SAP130: variants seen among roughly 807,000 people sequenced by gnomAD.
The protein encoded by SAP130 is Sin3A associated protein 130.
In SAP130, 16 loss-of-function variants were observed where a neutral mutation model predicts 103.2. The ratio of observed to expected loss-of-function variants is 0.16; its 90% CI spans 0.10 to 0.24. The LOEUF is 0.24. Among genes scored for constraint, SAP130 ranks in the 10% least tolerant of loss-of-function variants. The pLI, the probability that SAP130 is intolerant of heterozygous loss-of-function variation, is 1.00. For missense variants in SAP130, 990 were observed against 1,359.7 expected (o/e 0.73, Z 4.28); for synonymous variants, 477 against 497.0 (o/e 0.96, Z 0.53).
In SAP130 at chr2:127,941,748, A is replaced by G; in HGVS notation, c.*258T>C. 1 of 458,910 alleles carries G rather than the reference A, an allele frequency of 2.2e-6. No homozygotes were observed. Among genetic ancestry groups the G allele is most frequent in the Non-Finnish European group, 3.8e-6 (1 of 262,104 alleles). The allele number at this position is 458,910 out of a possible 1,614,324, so 28.4% of individuals were successfully genotyped here. A position where few individuals can be genotyped will look rare whatever the true frequency, so the allele number is the denominator to read the frequency against. ...TTGTCATTGCTTCCAACTGGTGGAC[A>G]CTGATGCATCCGGAGTCACTTATGA... On this transcript the variant is annotated 3_prime_UTR_variant, in exon 21 of 21. Coordinates refer to ENST00000643581, the MANE Select transcript of SAP130 (RefSeq NM_001330301.2).
At chr2:127,998,147 T>C (rs939890343) in intron 10 of SAP130, among the ~76,000 whole-genome samples, 13 of 151,674 alleles carry the variant, frequency 8.6e-5, no homozygotes, top group East Asian at 7.7e-4. Flanking sequence ...TTCTCAATAG[T>C]TAAATAAAAA....
At position 127,963,910 on chromosome 2, in the gene SAP130, G is replaced by C. The variant is rs142380184; in HGVS notation, c.2064-8566C>G. Reference sequence around the variant, plus strand: ...TCTATCATTATTTGCATAGAACTACGTAAGTTCAATGTAAAAAACTCCTTT... The same window carrying C: ...TCTATCATTATTTGCATAGAACTACCTAAGTTCAATGTAAAAAACTCCTTT... On this transcript the variant is annotated intron_variant, in intron 15 of 20. Coordinates refer to ENST00000643581, the MANE Select transcript of SAP130 (RefSeq NM_001330301.2). Among the ~76,000 whole-genome samples, 49 of 152,284 alleles carry C rather than the reference G, an allele frequency of 3.2e-4. No individual in the cohort carries two copies. In the East Asian group the frequency reaches 9.1e-3, roughly 28 times the overall value.
intron 15 of SAP130, among the ~76,000 whole-genome samples, chr2:127,976,995 T>C (rs1181728615): frequency 6.6e-6 from 1 of 152,052 alleles, no homozygotes; most frequent in Non-Finnish European, 1.5e-5. Flanking sequence ...ATTATCTTGA[T>C]CATAGAGGAA....
At chr2:128,008,054 C>G (rs1028695850) in intron 7 of SAP130, among the ~76,000 whole-genome samples, 11 of 152,216 alleles carry the variant, frequency 7.2e-5, no homozygotes, top group Non-Finnish European at 1.2e-4. Flanking sequence ...TTCTTCCTCA[C>G]CACTCTGCCC....
chr2:128,025,526 A>G lies in SAP130; in HGVS notation c.112+655T>C, dbSNP rs370719836. 7.6e-4 allele frequency among the ~76,000 whole-genome samples: 116 copies of G among 152,134 alleles called. 1 individual carries two copies. The highest frequency in any genetic ancestry group is 6.4e-3 in the South Asian group (31 of 4,820). On this transcript the variant is annotated intron_variant, in intron 2 of 20. Coordinates refer to ENST00000643581, the MANE Select transcript of SAP130 (RefSeq NM_001330301.2). ...TTGGATGTTAAATATTCAGGGGGGG[A>G]AAAAAACCCTGCTTGCATCTGTACT...
chr2:127,949,179 T>C (rs1474447435), intron 18 of SAP130, among the ~76,000 whole-genome samples: 1 of 152,204 alleles, frequency 6.6e-6, no homozygotes, highest in African/African-American at 2.4e-5. Context: ...TTAGAGCAGT[T>C]TCCAAATGGG....
chr2:127,942,350 A>T lies in SAP130; in HGVS notation c.3015+74T>A. ...TGAAGATATGAGGGAGACGGGGGGA[A>T]ACGGGAGAAGTAGGGCTTTACAGAA... is the stretch of plus-strand genomic sequence containing the variant. On this transcript the variant is annotated intron_variant, in intron 20 of 20. Coordinates refer to ENST00000643581, the MANE Select transcript of SAP130 (RefSeq NM_001330301.2). This position sits in a 1 kb window ranked among gnomAD's most constrained non-coding sequence, Gnocchi z 4.8. The T allele has an allele frequency of 8.5e-7, 1 of 1,172,504 alleles. No homozygotes were observed. Among genetic ancestry groups the T allele is most frequent in the Non-Finnish European group, 1.3e-6 (1 of 784,584 alleles). The allele number at this position is 1,172,504 out of a possible 1,614,324, so 72.6% of individuals were successfully genotyped here.
rs1320445812 is a variant in SAP130, at chr2:127,986,852, T to C, written c.1891A>G (p.Thr631Ala). The part of the protein sequence containing the change: ...VVQTHSQSAS[T>A]NAPAQGSSPR... ...GATGAGCCCTGGGCGGGAGCGTTGG[T>C]GCTAGCACTCTGGCTGTGGGTCTGC... is the stretch of plus-strand genomic sequence containing the variant. The change falls in exon 14 of 21, where the codon ACC (threonine) becomes GCC (alanine). Residue 631 changes from threonine to alanine, a missense_variant. Thr to Ala is a moderately conservative substitution (Grantham distance 58). This residue lies in a region of SAP130 where 349 missense variants were observed against 384.1 expected (regional missense o/e 0.91). Coordinates refer to ENST00000643581, the MANE Select transcript of SAP130 (RefSeq NM_001330301.2). This position sits in a 1 kb window ranked among gnomAD's most constrained non-coding sequence, Gnocchi z 4.7. 1 of 1,614,228 alleles carries C rather than the reference T, an allele frequency of 6.2e-7. No homozygotes were observed. The highest frequency in any genetic ancestry group is 8.5e-7 in the Non-Finnish European group (1 of 1,180,036).
chr2:127,970,296 A>T (rs1304120746), intron 15 of SAP130, among the ~76,000 whole-genome samples: 1 of 150,470 alleles, frequency 6.6e-6, no homozygotes, highest in African/African-American at 2.4e-5. Flanking sequence ...TAATCCCAGC[A>T]CTTTGGGAGG....
Position 127,942,536 on chromosome 2 carries a change from G to C in SAP130, c.2903C>G (p.Thr968Arg). 1.3e-6 allele frequency: 2 copies of C among 1,570,126 alleles called. No homozygotes were observed. Among genetic ancestry groups the C allele is most frequent in the Non-Finnish European group, 1.8e-6 (2 of 1,140,164 alleles). ...HLCAAQLLQL[T>R]NLEHDVYERL... ...TTCATAGACATCATGTTCTAGATTC[G>C]TCTGCAACACACAAAAGGGAGGGTA... The change falls in exon 20 of 21, where the codon ACG becomes AGG. Residue 968 changes from threonine (T) to arginine (R), a missense_variant and splice_region_variant. Physicochemically the swap from Thr to Arg is moderately conservative, Grantham distance 71 (BLOSUM62 -1). Coordinates refer to ENST00000643581, the MANE Select transcript of SAP130 (RefSeq NM_001330301.2). This position sits in a 1 kb window ranked among gnomAD's most constrained non-coding sequence, Gnocchi z 4.8.
chr2:127,988,339 G>A (rs562705477), intron 13 of SAP130, among the ~76,000 whole-genome samples: 1 of 151,314 alleles, frequency 6.6e-6, no homozygotes, highest in East Asian at 2.0e-4. Flanking sequence ...CATAAGGACT[G>A]CTTGAGCCCA....
In SAP130 at chr2:127,986,946, A is replaced by C. The variant is rs550940612; in HGVS notation, c.1797T>G (p.Asp599Glu). 1 of 1,613,188 alleles carries C rather than the reference A, an allele frequency of 6.2e-7. No individual in the cohort carries two copies. Among genetic ancestry groups the C allele is most frequent in the Non-Finnish European group, 8.5e-7 (1 of 1,179,194 alleles). The stretch of plus-strand genomic sequence containing the variant: ...TAGGGTTGGCCACAATTGTGGCTCC[A>C]TCTGCCAACACCACTGCTACAGGAG... The part of the protein sequence containing the change: ...EGKTSAVVLA[D>E]GATIVANPIS... The change falls in exon 14 of 21, where the codon GAT becomes GAG. Residue 599 changes from aspartate to glutamate, a missense_variant. Transcript: ENST00000643581. This position sits in a 1 kb window ranked among gnomAD's most constrained non-coding sequence, Gnocchi z 4.7.
In SAP130 at chr2:128,010,260, C is replaced by T. The variant is rs375372392; in HGVS notation, c.869+9G>A. On this transcript the variant is annotated intron_variant, in intron 7 of 20. Coordinates refer to ENST00000643581, the MANE Select transcript of SAP130 (RefSeq NM_001330301.2). ...AGGAAGGTTCAAACTTCATACTCCCCATGTATACCTAAGTGCTGAATCAGT... is the reference window on the plus strand; with the variant it reads ...AGGAAGGTTCAAACTTCATACTCCCTATGTATACCTAAGTGCTGAATCAGT... 40 of 1,611,040 alleles carry T rather than the reference C, an allele frequency of 2.5e-5. No homozygotes were observed. The highest frequency in any genetic ancestry group is 3.3e-5 in the Non-Finnish European group (39 of 1,178,518).
At chr2:127,948,546 T>A (rs1023037965) in intron 18 of SAP130, among the ~76,000 whole-genome samples, 4 of 151,948 alleles carry the variant, frequency 2.6e-5, no homozygotes, top group Admixed American at 6.6e-5. Context: ...TTTACCATGT[T>A]GGCCAGGCTG....
intron 14 of SAP130, among the ~76,000 whole-genome samples, chr2:127,980,809 T>C (rs1429485910): frequency 6.6e-6 from 1 of 151,852 alleles, no homozygotes; most frequent in Non-Finnish European, 1.5e-5. Context: ...GGTGGGAGGA[T>C]CACCTGAGCC....
rs1175902128 is a variant in SAP130 at position 127,970,221 on chromosome 2, CA to C, written c.2063+7763del. Reference sequence around the variant, plus strand: ...CCAGCCTGGGTGGGAGACTCCGTCTCAAAAAAAAAAAAAAAAAAATTTTAAA... The same window carrying C: ...CCAGCCTGGGTGGGAGACTCCGTCTCAAAAAAAAAAAAAAAAAATTTTAAA... On this transcript the variant is annotated intron_variant, in intron 15 of 20. Coordinates refer to ENST00000643581, the MANE Select transcript of SAP130 (RefSeq NM_001330301.2). Among the ~76,000 whole-genome samples, 342 of 60,238 alleles carry C rather than the reference CA, an allele frequency of 5.7e-3. 1 individual carries two copies. The highest frequency in any genetic ancestry group is 5.2e-3 in the Non-Finnish European group (157 of 29,938). The allele number at this position is 60,238 out of a possible 152,430, so 39.5% of individuals were successfully genotyped here.
chr2:127,973,827 AC>A (rs1337120730), intron 15 of SAP130, among the ~76,000 whole-genome samples: 1 of 152,080 alleles, frequency 6.6e-6, no homozygotes, highest in Non-Finnish European at 1.5e-5. Flanking sequence ...TAATCCCAGC[AC>A]TTTGTGAGGC....
chr2:127,990,750 G>A (rs995560818), intron 12 of SAP130, among the ~76,000 whole-genome samples: 1 of 152,020 alleles, frequency 6.6e-6, no homozygotes, highest in Non-Finnish European at 1.5e-5. Context: ...AGACCAGCCT[G>A]GGCAACATGG....
At chr2:128,017,576 G>T in intron 3 of SAP130, 104 bp downstream of exon 3, 2 of 1,011,512 alleles carry the variant, frequency 2.0e-6, no homozygotes, top group Non-Finnish European at 2.9e-6. Flanking sequence ...AAGAAAAAAT[G>T]AAATGTGATC....
Sources: gnomAD v4.1 joint callset for allele counts (sites outside exome capture counted in the v4.1 genomes callset) on GRCh38, gnomAD v4.1.1 for gene constraint, gnomAD v4.1.1 regional missense constraint, Gnocchi (gnomAD v3.1) non-coding constraint, MANE v1.5 for transcripts, NCBI Gene and HGNC (gene_info 2026-07-23, HGNC 2026-07-21) for gene names.